Variants in SSU72L6 observed in about 807,000 individuals in gnomAD.
The protein encoded by SSU72L6 is RNA polymerase II subunit A C-terminal domain phosphatase SSU72 like protein 6.
chr7:124,476,390 G>C, the SSU72L6 span: 1 of 778,072 alleles, frequency 1.3e-6, no homozygotes, highest in Non-Finnish European at 2.4e-6. Context: ...TCCCCACTCA[G>C]GGTGGCTGTG....
At chr7:124,476,951 A>C in the SSU72L6 span, 4 of 750,142 alleles carry the variant, frequency 5.3e-6, no homozygotes, top group African/African-American at 3.4e-5. Context: ...GTCTGCTTCT[A>C]CTGAAGATCT....
At chr7:124,476,416 A>G in the SSU72L6 span, 63,245 of 779,372 alleles carry the variant, frequency 0.081, 6,157 homozygotes, top group East Asian at 0.37. Context: ...TGTGAGCAAC[A>G]TCAACAGGAG....
chr7:124,477,350 A>C, the SSU72L6 span, among the ~76,000 whole-genome samples: 1 of 152,084 alleles, frequency 6.6e-6, no homozygotes, highest in East Asian at 1.9e-4. Flanking sequence ...AGCACCTTTT[A>C]AATAGACTTC....
At chr7:124,476,909 A>C in the SSU72L6 span, 1 of 763,952 alleles carries the variant, frequency 1.3e-6, no homozygotes, top group Non-Finnish European at 2.4e-6. Flanking sequence ...TTGCAAATGG[A>C]GGAGAAGGCA....
the SSU72L6 span, chr7:124,476,741 G>A: frequency 2.6e-6 from 2 of 780,668 alleles, no homozygotes; most frequent in African/African-American, 1.7e-5. Flanking sequence ...GAAGATCTGT[G>A]TTCCAGAGAA....
the SSU72L6 span, among the ~76,000 whole-genome samples, chr7:124,477,342 C>T: frequency 5.1e-3 from 769 of 151,796 alleles, 11 homozygotes; most frequent in African/African-American, 0.018. Context: ...TATAGATAAG[C>T]ACCTTTTAAA....
At chr7:124,476,715 C>T in the SSU72L6 span, 1 of 780,546 alleles carries the variant, frequency 1.3e-6, no homozygotes, top group African/African-American at 1.7e-5. Context: ...AGGAGCGTGT[C>T]TATGACACAG....
chr7:124,476,988 A>G, the SSU72L6 span: 3 of 693,530 alleles, frequency 4.3e-6, no homozygotes, highest in South Asian at 4.7e-5. Flanking sequence ...CTTCCTCGGT[A>G]AGAACTTAGG....
the SSU72L6 span, chr7:124,476,832 C>T: frequency 2.6e-6 from 2 of 771,352 alleles, no homozygotes; most frequent in East Asian, 2.4e-5. Context: ...GAGCTTTCCT[C>T]ATCTGTGAGA....
the SSU72L6 span, chr7:124,476,419 A>T: frequency 1.3e-6 from 1 of 779,574 alleles, no homozygotes; most frequent in South Asian, 1.3e-5. Flanking sequence ...GAGCAACATC[A>T]ACAGGAGCAT....
At chr7:124,476,319 C>T in the SSU72L6 span, 4 of 707,968 alleles carry the variant, frequency 5.6e-6, no homozygotes, top group Non-Finnish European at 7.8e-6. Context: ...GGCTCAGAGT[C>T]CCTGCAGCAG....
At chr7:124,477,378 G>A in the SSU72L6 span, among the ~76,000 whole-genome samples, 1 of 151,188 alleles carries the variant, frequency 6.6e-6, no homozygotes, top group African/African-American at 2.4e-5. Flanking sequence ...CAATTTGAGT[G>A]GTTTTTTTTT....
the SSU72L6 span, among the ~76,000 whole-genome samples, chr7:124,477,646 TAAA>T: frequency 7.5e-6 from 1 of 133,030 alleles, no homozygotes. Flanking sequence ...AAAATTTAAA[TAAA>T]AAAAAAAAAA....
At chr7:124,477,647 A>T in the SSU72L6 span, among the ~76,000 whole-genome samples, 5 of 63,774 alleles carry the variant, frequency 7.8e-5, no homozygotes, top group Non-Finnish European at 1.3e-4. Flanking sequence ...AAATTTAAAT[A>T]AAAAAAAAAA....
At chr7:124,477,085 C>T in the SSU72L6 span, 1 of 594,308 alleles carries the variant, frequency 1.7e-6, no homozygotes, top group Non-Finnish European at 3.0e-6. Flanking sequence ...GTACATATCA[C>T]CTGGAAAGAG....
the SSU72L6 span, chr7:124,476,818 C>T: frequency 1.3e-6 from 1 of 774,168 alleles, no homozygotes. Context: ...AGGTGCCATC[C>T]TGGGAGCTTT....
At chr7:124,476,760 C>T in the SSU72L6 span, 1 of 780,528 alleles carries the variant, frequency 1.3e-6, no homozygotes, top group East Asian at 2.4e-5. Context: ...AACAGCAGAC[C>T]TTTCAGCCTG....
At chr7:124,476,893 C>A in the SSU72L6 span, 10 of 764,640 alleles carry the variant, frequency 1.3e-5, no homozygotes, top group Non-Finnish European at 1.9e-5. Context: ...TCTGGAGGAG[C>A]TGCTGTTGCA....
At chr7:124,477,653 A>G in the SSU72L6 span, among the ~76,000 whole-genome samples, 1 of 151,598 alleles carries the variant, frequency 6.6e-6, no homozygotes, top group East Asian at 1.9e-4. Context: ...AAATAAAAAA[A>G]AAAAAAAGAA....
Sources: allele counts gnomAD v4.1 joint callset (sites outside exome capture counted in the v4.1 genomes callset), GRCh38; gene constraint gnomAD v4.1.1; transcripts MANE v1.5; gene names NCBI Gene and HGNC (gene_info 2026-07-23, HGNC 2026-07-21).